Variants in DRC11 observed in about 807,000 individuals in gnomAD.
DRC11 encodes the protein IQ and AAA domain-containing protein 1.
chr2:236,372,034 T>C, the DRC11 span, among the ~76,000 whole-genome samples: 2 of 152,170 alleles, frequency 1.3e-5, no homozygotes, highest in African/African-American at 2.4e-5. This position sits in a 1 kb window ranked among gnomAD's most constrained non-coding sequence, Gnocchi z 4.5. Flanking sequence ...CGTTATGTGG[T>C]TTTAATGTTT....
chr2:236,490,937 TGA>T, the DRC11 span, among the ~76,000 whole-genome samples: 5,613 of 148,160 alleles, frequency 0.038, 398 homozygotes, highest in African/African-American at 0.13. This position sits in a 1 kb window ranked among gnomAD's most constrained non-coding sequence, Gnocchi z 5.5. Context: ...TGTATATATA[TGA>T]GTGTGTATAT....
the DRC11 span, chr2:236,391,108 T>C: frequency 2.2e-4 from 34 of 152,236 alleles, no homozygotes; most frequent in African/African-American, 7.2e-4. This position sits in a 1 kb window ranked among gnomAD's most constrained non-coding sequence, Gnocchi z 4.5. Context: ...CTTTCATCTA[T>C]GGATGGTTAT....
chr2:236,449,205 C>T, the DRC11 span, among the ~76,000 whole-genome samples: 1 of 152,212 alleles, frequency 6.6e-6, no homozygotes, highest in Non-Finnish European at 1.5e-5. The surrounding 1 kb of genome is among the most constrained non-coding windows in gnomAD (Gnocchi z 5.1). Context: ...CACTAGGAAA[C>T]TGGGACATAG....
chr2:236,331,860 C>A, the DRC11 span: 1 of 457,294 alleles, frequency 2.2e-6, no homozygotes, highest in East Asian at 3.6e-5. This position sits in a 1 kb window ranked among gnomAD's most constrained non-coding sequence, Gnocchi z 4.8. Context: ...AAACACAAAA[C>A]CACCGTCAGT....
chr2:236,375,127 C>T, the DRC11 span, among the ~76,000 whole-genome samples: 3 of 152,050 alleles, frequency 2.0e-5, no homozygotes, highest in African/African-American at 7.2e-5. This position sits in a 1 kb window ranked among gnomAD's most constrained non-coding sequence, Gnocchi z 4.2. Context: ...CACAAGGCCC[C>T]GTCTCCAGTA....
chr2:236,427,736 T>C, the DRC11 span, among the ~76,000 whole-genome samples: 1 of 152,092 alleles, frequency 6.6e-6, no homozygotes, highest in Non-Finnish European at 1.5e-5. The surrounding 1 kb of genome is among the most constrained non-coding windows in gnomAD (Gnocchi z 5.9). Flanking sequence ...ATTTCATTTA[T>C]TTTTGTTCTT....
the DRC11 span, among the ~76,000 whole-genome samples, chr2:236,491,716 G>A: frequency 2.0e-5 from 3 of 152,108 alleles, no homozygotes; most frequent in Non-Finnish European, 2.9e-5. Flanking sequence ...GGAGCCCAGT[G>A]GTGAAAGGAT....
At chr2:236,465,775 G>T in the DRC11 span, 1 of 976,518 alleles carries the variant, frequency 1.0e-6, no homozygotes, top group Non-Finnish European at 1.6e-6. This position sits in a 1 kb window ranked among gnomAD's most constrained non-coding sequence, Gnocchi z 6.2. Flanking sequence ...AAAAATATCA[G>T]AAACTGAACA....
chr2:236,312,899 TAAG>T, the DRC11 span, among the ~76,000 whole-genome samples: 346 of 152,036 alleles, frequency 2.3e-3, 1 homozygote, highest in African/African-American at 7.7e-3. Context: ...TTAAAGCTAA[TAAG>T]AAGATATAGT....
the DRC11 span, among the ~76,000 whole-genome samples, chr2:236,404,441 A>T: frequency 6.6e-6 from 1 of 152,118 alleles, no homozygotes; most frequent in Non-Finnish European, 1.5e-5. Flanking sequence ...GCTCCAGATG[A>T]AGCCTTCCTG....
chr2:236,492,778 G>GA, the DRC11 span, among the ~76,000 whole-genome samples: 1 of 152,238 alleles, frequency 6.6e-6, no homozygotes, highest in Non-Finnish European at 1.5e-5. Context: ...GCTGCATGGG[G>GA]GATGACTGCA....
chr2:236,364,600 G>C, the DRC11 span, among the ~76,000 whole-genome samples: 1 of 152,100 alleles, frequency 6.6e-6, no homozygotes, highest in South Asian at 2.1e-4. Flanking sequence ...TTCATGCCGT[G>C]TTCTCCACCA....
chr2:236,322,490 C>A, the DRC11 span, among the ~76,000 whole-genome samples: 12 of 152,078 alleles, frequency 7.9e-5, no homozygotes, highest in Non-Finnish European at 7.4e-5. Context: ...TCGTGATCCA[C>A]CCGCCTCGGC....
chr2:236,420,257 C>G, the DRC11 span, among the ~76,000 whole-genome samples: 2 of 152,184 alleles, frequency 1.3e-5, no homozygotes, highest in African/African-American at 2.4e-5. The surrounding 1 kb of genome is among the most constrained non-coding windows in gnomAD (Gnocchi z 4.8). Context: ...TAGTGAGTAG[C>G]TGAGCTGGGA....
chr2:236,401,972 T>C, the DRC11 span, among the ~76,000 whole-genome samples: 3 of 152,222 alleles, frequency 2.0e-5, no homozygotes, highest in Admixed American at 6.5e-5. This position sits in a 1 kb window ranked among gnomAD's most constrained non-coding sequence, Gnocchi z 4.6. Context: ...GGTGAAACCA[T>C]AGTGGATACA....
the DRC11 span, among the ~76,000 whole-genome samples, chr2:236,414,912 C>T: frequency 2.0e-5 from 3 of 152,164 alleles, no homozygotes; most frequent in Admixed American, 6.5e-5. Context: ...TCTCACTCCA[C>T]TAGCCCTGCA....
At chr2:236,338,135 C>T in the DRC11 span, 6 of 1,500,158 alleles carry the variant, frequency 4.0e-6, no homozygotes, top group South Asian at 6.5e-5. Context: ...AAGGGCCGCC[C>T]TCCTGGCAAG....
At chr2:236,357,084 T>C in the DRC11 span, among the ~76,000 whole-genome samples, 2 of 97,726 alleles carry the variant, frequency 2.0e-5, no homozygotes, top group Non-Finnish European at 3.6e-5. Flanking sequence ...TATATATCTA[T>C]ATATTTTATA....
the DRC11 span, chr2:236,408,970 G>C: frequency 1.4e-6 from 1 of 709,040 alleles, no homozygotes; most frequent in African/African-American, 1.8e-5. The surrounding 1 kb of genome is among the most constrained non-coding windows in gnomAD (Gnocchi z 5.5). Context: ...GGCTTGGAAG[G>C]GTCATCCTTA....
Sources: gnomAD v4.1 joint callset for allele counts (sites outside exome capture counted in the v4.1 genomes callset) on GRCh38, gnomAD v4.1.1 for gene constraint, Gnocchi (gnomAD v3.1) non-coding constraint, MANE v1.5 for transcripts, NCBI Gene and HGNC (gene_info 2026-07-23, HGNC 2026-07-21) for gene names.